CNTN5: variants seen among roughly 807,000 people sequenced by gnomAD.
CNTN5 encodes the protein contactin 5.
Under a neutral mutation model 129.1 loss-of-function variants are expected in CNTN5, and 77 were observed. The ratio of observed to expected loss-of-function variants is 0.60; its 90% confidence interval spans 0.50 to 0.72. CNTN5 has a LOEUF of 0.72. CNTN5 is among the 30% of genes least tolerant of loss of function. The pLI, the probability that CNTN5 is intolerant of heterozygous loss-of-function variation, is 0.00. For missense variants in CNTN5, 1,478 were observed against 1,328.8 expected, an observed-to-expected ratio of 1.11 and a Z score of -1.75; for synonymous variants, 509 against 465.6, an observed-to-expected ratio of 1.09 and a Z score of -1.20.
At chr11:99,092,221 C>G (rs1866281571) in intron 1 of CNTN5, among the ~76,000 whole-genome samples, 1 of 152,080 alleles carries the variant, frequency 6.6e-6, no homozygotes, top group South Asian at 2.1e-4. Context: ...ACCTTTCTAA[C>G]AATTTATCTT....
intron 13 of CNTN5, among the ~76,000 whole-genome samples, chr11:100,161,110 C>A (rs1304502774): frequency 6.6e-6 from 1 of 151,888 alleles, no homozygotes. Context: ...TAAAAATTAT[C>A]ATTAGGTATC....
intron 2 of CNTN5, among the ~76,000 whole-genome samples, chr11:99,550,551 G>A (rs1441563135): frequency 3.3e-5 from 5 of 152,076 alleles, no homozygotes; most frequent in Admixed American, 3.3e-4. Flanking sequence ...TGGTTGAGAT[G>A]GAGAATAAGG....
At chr11:99,431,376 A>C (rs1212303907) in intron 2 of CNTN5, among the ~76,000 whole-genome samples, 1 of 152,054 alleles carries the variant, frequency 6.6e-6, no homozygotes, top group Non-Finnish European at 1.5e-5. Context: ...AAGCCAGCTG[A>C]AACTCCGGAA....
rs918432749 is a variant in CNTN5 at position 100,002,091 on chromosome 11, C to T, written c.935C>T (p.Ala312Val). Residue 312 changes from alanine to valine, a missense_variant, in exon 9 of 25, where the codon GCT becomes GTT. Transcript: ENST00000524871. ...GTCCATTTTCCTTTCACGGTTACAG[C>T]TGCTAAAGGAACAACTGTTAAGATG... is the stretch of plus-strand genomic sequence containing the variant. Reference protein sequence around the residue: ...IEVHFPFTVTAAKGTTVKMEC... With the variant: ...IEVHFPFTVTVAKGTTVKMEC... 1.9e-6 allele frequency: 3 copies of T among 1,597,814 alleles called. No homozygotes were observed. The highest frequency in any genetic ancestry group is 8.5e-7 in the Non-Finnish European group (1 of 1,175,178).
At chr11:99,969,645 C>T (rs1019278149) in intron 8 of CNTN5, among the ~76,000 whole-genome samples, 1 of 152,128 alleles carries the variant, frequency 6.6e-6, no homozygotes, top group Non-Finnish European at 1.5e-5. Flanking sequence ...ATTCTGACCG[C>T]TCTGTAGTCC....
chr11:100,262,430 C>T (rs547530658), intron 17 of CNTN5, among the ~76,000 whole-genome samples: 1 of 152,194 alleles, frequency 6.6e-6, no homozygotes, highest in Non-Finnish European at 1.5e-5. Context: ...CCCAGCAATC[C>T]TATTACTGGG....
chr11:99,029,943 A>C (rs944360974), intron 1 of CNTN5, among the ~76,000 whole-genome samples: 2 of 152,168 alleles, frequency 1.3e-5, no homozygotes, highest in African/African-American at 4.8e-5. Flanking sequence ...TGTGTGAGTT[A>C]GGAGGTTTTG....
intron 11 of CNTN5, among the ~76,000 whole-genome samples, chr11:100,070,782 A>G (rs1009455001): frequency 2.0e-5 from 3 of 152,198 alleles, no homozygotes; most frequent in Non-Finnish European, 4.4e-5. Context: ...AGTGAGAAAC[A>G]TAACAAATAT....
chr11:100,032,710 C>A (rs530984375), intron 9 of CNTN5, among the ~76,000 whole-genome samples: 1 of 152,064 alleles, frequency 6.6e-6, no homozygotes, highest in South Asian at 2.1e-4. Context: ...TTATTGCTGC[C>A]CACATTTGGG....
At chr11:100,257,718 TAACA>T (rs529248981) in intron 17 of CNTN5, among the ~76,000 whole-genome samples, 97 of 152,062 alleles carry the variant, frequency 6.4e-4, no homozygotes, top group African/African-American at 2.3e-3. Flanking sequence ...GAAGGAAAAC[TAACA>T]AACAGAAAGG....
chr11:100,025,688 T>C lies in CNTN5; in HGVS notation c.980+23552T>C, dbSNP rs993828830. Among the ~76,000 whole-genome samples, 3 of 152,196 alleles carry C rather than the reference T, an allele frequency of 2.0e-5. No individual in the cohort carries two copies. In the East Asian group the frequency reaches 5.8e-4, roughly 29 times the overall value. On this transcript the variant is annotated intron_variant, in intron 9 of 24. Coordinates refer to ENST00000524871, the MANE Select transcript of CNTN5 (RefSeq NM_014361.4). ...GCTTCAGCATGACCTGGAAGTGAGA[T>C]ACAGAGTCAAAGGAGATCATTTCAG...
At chr11:99,924,201 T>G (rs1950008094) in intron 7 of CNTN5, among the ~76,000 whole-genome samples, 1 of 152,228 alleles carries the variant, frequency 6.6e-6, no homozygotes, top group South Asian at 2.1e-4. Context: ...CTGAACATTT[T>G]TACATGGTTG....
Position 99,336,686 on chromosome 11 carries a change from G to A in CNTN5, c.-71+11202G>A, listed in dbSNP as rs1385172054. ...GAGACTCCGTCTCTACTAAAAGTAC[G>A]ACAATTAGCTGGGCATGGTGCTGGG... is the stretch of plus-strand genomic sequence containing the variant. On this transcript the variant is annotated intron_variant, in intron 2 of 24. Coordinates refer to ENST00000524871, the MANE Select transcript of CNTN5 (RefSeq NM_014361.4). Among the ~76,000 whole-genome samples, 6 of 151,920 alleles carry A rather than the reference G, an allele frequency of 3.9e-5. No individual in the cohort carries two copies. In the East Asian group the frequency reaches 9.7e-4, roughly 25 times the overall value.
chr11:99,030,524 G>A (rs986000316), intron 1 of CNTN5, among the ~76,000 whole-genome samples: 6 of 152,076 alleles, frequency 3.9e-5, no homozygotes, highest in Non-Finnish European at 5.9e-5. Context: ...TGTTGGGCTA[G>A]AAAAGGGATG....
Position 99,806,024 on chromosome 11 carries a change from T to C in CNTN5, c.56-13520T>C, listed in dbSNP as rs189017394. On this transcript the variant is annotated intron_variant, in intron 3 of 24. Coordinates refer to ENST00000524871, the MANE Select transcript of CNTN5 (RefSeq NM_014361.4). ...AATACACATTTTCAAGCATTGTTTC[T>C]TTAAAGCATTGTGTCTTTATTGTAA... 5.5e-3 allele frequency among the ~76,000 whole-genome samples: 842 copies of C among 152,334 alleles called. 16 individuals carry two copies. Among genetic ancestry groups the C allele is most frequent in the African/African-American group, 0.019 (802 of 41,584 alleles).
chr11:99,348,382 T>A (rs577402878), intron 2 of CNTN5, among the ~76,000 whole-genome samples: 2 of 152,208 alleles, frequency 1.3e-5, no homozygotes, highest in Non-Finnish European at 2.9e-5. Flanking sequence ...GTAATTCAAG[T>A]ATGACTGGTT....
chr11:100,037,656 G>C (rs1030317634), intron 9 of CNTN5, among the ~76,000 whole-genome samples: 1 of 152,066 alleles, frequency 6.6e-6, no homozygotes, highest in Non-Finnish European at 1.5e-5. Context: ...TCCTGTTGTT[G>C]GTCTATTCAG....
At chr11:99,179,786 A>C (rs1591319347) in intron 1 of CNTN5, among the ~76,000 whole-genome samples, 1 of 152,290 alleles carries the variant, frequency 6.6e-6, no homozygotes, top group Non-Finnish European at 1.5e-5. Flanking sequence ...CTTCTGTAGT[A>C]ATGTAGCCAA....
intron 2 of CNTN5, among the ~76,000 whole-genome samples, chr11:99,448,024 G>T (rs926189965): frequency 5.3e-5 from 8 of 152,074 alleles, no homozygotes; most frequent in Non-Finnish European, 7.4e-5. Context: ...AGCATGATTT[G>T]CTTGAATAAA....
Sources: allele counts gnomAD v4.1 joint callset (sites outside exome capture counted in the v4.1 genomes callset), GRCh38; gene constraint gnomAD v4.1.1; transcripts MANE v1.5; gene names NCBI Gene and HGNC (gene_info 2026-07-23, HGNC 2026-07-21).